The following UBE2J1 variants were observed in gnomAD, a reference collection of about 807,000 sequenced individuals.
UBE2J1 encodes the protein ubiquitin-conjugating enzyme E2 J1.
A neutral mutation model predicts 42.1 loss-of-function variants in UBE2J1; 17 were observed. That is an observed-to-expected ratio of 0.40 (90% confidence interval 0.28 to 0.61). The LOEUF (loss-of-function observed/expected upper bound fraction) is 0.61. Ranked by LOEUF, UBE2J1 falls within the 20% of genes least tolerant of loss-of-function variation. UBE2J1 has a pLI of 0.38. For missense variants in UBE2J1, 291 were observed against 389.4 expected, an observed-to-expected ratio of 0.75 and a Z score of 2.13; for synonymous variants, 127 against 137.2, an observed-to-expected ratio of 0.93 and a Z score of 0.52.
intron 1 of UBE2J1, among the ~76,000 whole-genome samples, chr6:89,352,290 C>A (rs910690324): frequency 6.6e-6 from 1 of 152,168 alleles, no homozygotes; most frequent in Non-Finnish European, 1.5e-5. Flanking sequence ...CGGGACCAGG[C>A]GAAGATGAGA....
At chr6:89,348,187 A>C (rs1768397099) in intron 1 of UBE2J1, among the ~76,000 whole-genome samples, 1 of 152,142 alleles carries the variant, frequency 6.6e-6, no homozygotes, top group Non-Finnish European at 1.5e-5. Flanking sequence ...TTTCCATGGA[A>C]TCCTTTCACT....
At chr6:89,351,279 A>G (rs773061250) in intron 1 of UBE2J1, among the ~76,000 whole-genome samples, 6 of 151,066 alleles carry the variant, frequency 4.0e-5, no homozygotes, top group Non-Finnish European at 7.4e-5. Context: ...ACGGGGTTTC[A>G]CCATGTTGGC....
At position 89,329,052 on chromosome 6, in the gene UBE2J1, T is replaced by C. The variant is rs1767955742; in HGVS notation, c.*627A>G. ...GGTGATAACAGCATATCAAAGTGGTTACAAAGTACTCCCTCTTCAAGTAGC... is the reference window on the plus strand; with the variant it reads ...GGTGATAACAGCATATCAAAGTGGTCACAAAGTACTCCCTCTTCAAGTAGC... On this transcript the variant is annotated 3_prime_UTR_variant, in exon 8 of 8. Transcript: ENST00000435041. 6.6e-6 allele frequency: 1 copy of C among 152,402 alleles called. No homozygotes were observed. Among genetic ancestry groups the C allele is most frequent in the South Asian group, 2.1e-4 (1 of 4,844 alleles). 9.4% of individuals were successfully genotyped at this position (152,402 alleles called of 1,614,324 possible).
At position 89,352,689 on chromosome 6, in the gene UBE2J1, T is replaced by C. The variant is rs1311835737; in HGVS notation, c.-120A>G. On this transcript the variant is annotated 5_prime_UTR_variant, in exon 1 of 8. Coordinates refer to ENST00000435041, the MANE Select transcript of UBE2J1 (RefSeq NM_016021.3). ...GGCCTGGCCGAGGAGCCTCGGCAAA[T>C]GCCGCCCAGTCCAGCCTGGACTGCG... 1 of 1,182,748 alleles carries C rather than the reference T, an allele frequency of 8.5e-7. No homozygotes were observed. Among genetic ancestry groups the C allele is most frequent in the African/African-American group, 1.6e-5 (1 of 61,686 alleles). The allele number at this position is 1,182,748 out of a possible 1,614,324, so 73.3% of individuals were successfully genotyped here. A position where few individuals can be genotyped will look rare whatever the true frequency, so the allele number is the denominator to read the frequency against.
At position 89,342,746 on chromosome 6, in the gene UBE2J1, G is replaced by C. The variant is rs75258062; in HGVS notation, c.106-291C>G. 4.6e-5 allele frequency among the ~76,000 whole-genome samples: 7 copies of C among 152,050 alleles called. No individual in the cohort carries two copies. In the East Asian group the frequency reaches 7.7e-4, roughly 17 times the overall value. On this transcript the variant is annotated intron_variant, in intron 2 of 7. Transcript: ENST00000435041. ...ATAAGTAACTTACAGGTTTAAATTGGAAATTAATCCTTGAAAGAATAGCAA... is the reference window on the plus strand; with the variant it reads ...ATAAGTAACTTACAGGTTTAAATTGCAAATTAATCCTTGAAAGAATAGCAA...
At chr6:89,335,505 G>T in intron 5 of UBE2J1, 74 bp from the exon 6 acceptor site, 1 of 1,123,802 alleles carries the variant, frequency 8.9e-7, no homozygotes. Context: ...ACACTCAAAT[G>T]CTCGATCATT....
intron 5 of UBE2J1, among the ~76,000 whole-genome samples, chr6:89,336,473 A>AT (rs544827012): frequency 0.26 from 12,898 of 48,684 alleles, 694 homozygotes; most frequent in South Asian, 0.34. Context: ...ATTTTATTTT[A>AT]TTTTTTTTTT....
At chr6:89,337,962 A>T (rs1182869612) in intron 5 of UBE2J1, among the ~76,000 whole-genome samples, 5 of 152,202 alleles carry the variant, frequency 3.3e-5, no homozygotes, top group Admixed American at 3.3e-4. Context: ...TGAATTTTTT[A>T]AAAATAGTGA....
chr6:89,346,596 G>A lies in UBE2J1; in HGVS notation c.32-2840C>T, dbSNP rs181504379. On this transcript the variant is annotated intron_variant, in intron 1 of 7. Coordinates refer to ENST00000435041, the MANE Select transcript of UBE2J1 (RefSeq NM_016021.3). ...TAGTCTGGCTACCCTAGACCTTTAA[G>A]TAACTTCTCAGGAATGTCTCTATGA... is the stretch of plus-strand genomic sequence containing the variant. Among the ~76,000 whole-genome samples the A allele has an allele frequency of 8.5e-5, 13 of 152,126 alleles. No individual in the cohort carries two copies. The East Asian group carries it at 2.5e-3, about 29-fold the overall frequency.
intron 5 of UBE2J1, among the ~76,000 whole-genome samples, chr6:89,337,289 C>G (rs910530167): frequency 1.4e-5 from 2 of 148,000 alleles, no homozygotes; most frequent in African/African-American, 5.0e-5. Context: ...GATAAAAAAA[C>G]CAACGTAGTA....
chr6:89,334,170 A>T (rs187072193), intron 6 of UBE2J1, among the ~76,000 whole-genome samples: 182 of 151,332 alleles, frequency 1.2e-3, no homozygotes, highest in African/African-American at 4.1e-3. Flanking sequence ...TGCCGAGCTA[A>T]TTTTTTGTAT....
Position 89,335,289 on chromosome 6 carries a change from G to T in UBE2J1, c.558+13C>A, listed in dbSNP as rs1399527532. Reference sequence around the variant, plus strand: ...GGTTGCAAGATTAGCATTTATTTAAGAATTTATAGTACCTTAAAGCTTATT... The same window carrying T: ...GGTTGCAAGATTAGCATTTATTTAATAATTTATAGTACCTTAAAGCTTATT... On this transcript the variant is annotated intron_variant, in intron 6 of 7. Transcript: ENST00000435041. The T allele has an allele frequency of 6.5e-7, 1 of 1,544,964 alleles. No individual in the cohort carries two copies. Among genetic ancestry groups the T allele is most frequent in the Non-Finnish European group, 8.7e-7 (1 of 1,143,390 alleles).
At position 89,333,074 on chromosome 6, in the gene UBE2J1, T is replaced by C; in HGVS notation, c.678+12A>G. The C allele has an allele frequency of 6.3e-7, 1 of 1,592,462 alleles. No homozygotes were observed. The highest frequency in any genetic ancestry group is 8.5e-7 in the Non-Finnish European group (1 of 1,171,588). ...AGAGACATACATATATATTAAAAGATAAGAGCCATACCGATGTACTGGCCG... is the reference window on the plus strand; with the variant it reads ...AGAGACATACATATATATTAAAAGACAAGAGCCATACCGATGTACTGGCCG... On this transcript the variant is annotated intron_variant, in intron 7 of 7. Coordinates refer to ENST00000435041, the MANE Select transcript of UBE2J1 (RefSeq NM_016021.3).
Position 89,328,931 on chromosome 6 carries a change from T to A in UBE2J1, c.*748A>T, listed in dbSNP as rs554876858. The A allele has an allele frequency of 6.6e-6, 1 of 152,122 alleles. No homozygotes were observed. The highest frequency in any genetic ancestry group is 2.4e-5 in the African/African-American group (1 of 41,418). The allele number at this position is 152,122 out of a possible 1,614,324, so 9.4% of individuals were successfully genotyped here. On this transcript the variant is annotated 3_prime_UTR_variant, in exon 8 of 8. Coordinates refer to ENST00000435041, the MANE Select transcript of UBE2J1 (RefSeq NM_016021.3). ...TAACTTCTGGAAGAAAACCAAGCGA[T>A]CTCCTGGCTTGGGCCCTTTCTTCCT...
At chr6:89,346,976 A>T (rs908623788) in intron 1 of UBE2J1, among the ~76,000 whole-genome samples, 1 of 152,246 alleles carries the variant, frequency 6.6e-6, no homozygotes, top group African/African-American at 2.4e-5. Flanking sequence ...AAATTTTACT[A>T]TCTTCTCTCA....
intron 2 of UBE2J1, 95 bp from the exon 3 acceptor site, chr6:89,342,550 A>T: frequency 8.4e-7 from 1 of 1,196,062 alleles, no homozygotes; most frequent in South Asian, 1.6e-5. Flanking sequence ...AAGAAAAATT[A>T]AATGCTTTAT....
intron 1 of UBE2J1, among the ~76,000 whole-genome samples, chr6:89,345,114 A>T (rs1768333546): frequency 6.6e-6 from 1 of 152,212 alleles, no homozygotes; most frequent in Non-Finnish European, 1.5e-5. Context: ...GGAAGAGAAA[A>T]GGAGTCAGGT....
chr6:89,335,251 C>A, intron 6 of UBE2J1, 51 bp downstream of exon 6: 2 of 1,496,036 alleles, frequency 1.3e-6, no homozygotes, highest in Non-Finnish European at 1.8e-6. Context: ...CAGAATCCAG[C>A]AGTAAACAAA....
chr6:89,339,467 AG>A lies in UBE2J1; in HGVS notation c.238-925del, dbSNP rs1309167976. 2.4e-3 allele frequency among the ~76,000 whole-genome samples: 10 copies of A among 4,104 alleles called. 1 individual carries two copies. Among genetic ancestry groups the A allele is most frequent in the East Asian group, 0.018 (4 of 226 alleles). The allele number at this position is 4,104 out of a possible 152,430, so 2.7% of individuals were successfully genotyped here. ...AAAAAAGAGGAGAGGAGGGGAGGAG[AG>A]GGGGGGAGGGGGGAGGAGAGGGGAT... On this transcript the variant is annotated intron_variant, in intron 3 of 7. Transcript: ENST00000435041.
Sources: gnomAD v4.1 joint callset for allele counts (sites outside exome capture counted in the v4.1 genomes callset) on GRCh38, gnomAD v4.1.1 for gene constraint, MANE v1.5 for transcripts, NCBI Gene and HGNC (gene_info 2026-07-23, HGNC 2026-07-21) for gene names.